NCAM2: variants seen among roughly 807,000 people sequenced by gnomAD.
NCAM2 encodes neural cell adhesion molecule 2, also known as N-CAM-2.
NCAM2 carries 30 observed loss-of-function variants against 98.1 expected under a neutral mutation model. That is an observed-to-expected ratio of 0.31 (90% CI 0.23 to 0.41). The LOEUF (loss-of-function observed/expected upper bound fraction) is 0.41, where lower values mean the gene tolerates loss of function less well. Among genes scored for constraint, NCAM2 ranks in the 10% least tolerant of loss-of-function variants. The probability of loss-of-function intolerance (pLI) is 1.00; values close to 1 mark genes in which losing one functional copy is unlikely to be tolerated. For synonymous variants in NCAM2, 368 were observed against 342.4 expected, an observed-to-expected ratio of 1.07 and a Z score of -0.83; for missense variants, 867 against 1,005.8, an observed-to-expected ratio of 0.86 and a Z score of 1.87.
chr21:21,273,493 G>T (rs887872933), intron 1 of NCAM2, among the ~76,000 whole-genome samples: 1 of 152,014 alleles, frequency 6.6e-6, no homozygotes, highest in African/African-American at 2.4e-5. Context: ...AAACAGGAGG[G>T]TCAAAGAACA....
chr21:21,159,060 A>G (rs561398278), intron 1 of NCAM2, among the ~76,000 whole-genome samples: 159 of 152,226 alleles, frequency 1.0e-3, no homozygotes, highest in African/African-American at 3.7e-3. Context: ...TCCTCTCAGT[A>G]GGCCTATGCT....
At chr21:21,101,767 C>T (rs758905776) in intron 1 of NCAM2, among the ~76,000 whole-genome samples, 38 of 151,982 alleles carry the variant, frequency 2.5e-4, no homozygotes, top group Admixed American at 1.2e-3. Context: ...TTCCTTAAGA[C>T]CTATACACAA....
chr21:21,078,037 A>G (rs961583759), intron 1 of NCAM2, among the ~76,000 whole-genome samples: 4 of 152,204 alleles, frequency 2.6e-5, no homozygotes, highest in Non-Finnish European at 4.4e-5. Context: ...TAGTAAAATT[A>G]AAATCAGTAA....
At position 21,097,878 on chromosome 21, in the gene NCAM2, C is replaced by T. The variant is rs545786884; in HGVS notation, c.55+99260C>T. ...AACGTTCTGTGGTTGGTTTATAGGA[C>T]ATGCTTTCCCAAATAGGAACCCCAG... is the stretch of plus-strand genomic sequence containing the variant. On this transcript the variant is annotated intron_variant, in intron 1 of 17. Coordinates refer to ENST00000400546, the MANE Select transcript of NCAM2 (RefSeq NM_004540.5). Among the ~76,000 whole-genome samples, 71 of 39,914 alleles carry T rather than the reference C, an allele frequency of 1.8e-3. 1 individual carries two copies. The South Asian group carries it at 0.041, about 23-fold the overall frequency. 26.2% of individuals were successfully genotyped at this position (39,914 alleles called of 152,430 possible). A position where few individuals can be genotyped will look rare whatever the true frequency, so the allele number is the denominator to read the frequency against.
At chr21:21,011,154 G>GTTT (rs59456952) in intron 1 of NCAM2, among the ~76,000 whole-genome samples, 2 of 150,498 alleles carry the variant, frequency 1.3e-5, no homozygotes, top group African/African-American at 2.4e-5. Flanking sequence ...ACTCTGCAGG[G>GTTT]TTTTTTTTTC....
At chr21:21,327,306 CA>C (rs11384559) in intron 6 of NCAM2, among the ~76,000 whole-genome samples, 2,091 of 82,104 alleles carry the variant, frequency 0.025, 35 homozygotes, top group East Asian at 0.18. Flanking sequence ...GACTCTGTCT[CA>C]AAAAAAAAAA....
Position 21,309,167 on chromosome 21 carries a change from G to A in NCAM2, c.620-15216G>A, listed in dbSNP as rs566697626. 7.2e-5 allele frequency among the ~76,000 whole-genome samples: 11 copies of A among 152,036 alleles called. No homozygotes were observed. In the South Asian group the frequency reaches 2.3e-3, roughly 32 times the overall value. ...TCTGTTATTCCTGGGTTAGTTTTTG[G>A]CCAATTATATTTTATCCTCATTATA... On this transcript the variant is annotated intron_variant, in intron 5 of 17. Transcript: ENST00000400546.
chr21:21,270,214 G>A (rs935200127), intron 1 of NCAM2, among the ~76,000 whole-genome samples: 4 of 152,168 alleles, frequency 2.6e-5, no homozygotes, highest in Admixed American at 2.0e-4. Context: ...TGGATTGGAT[G>A]TATAATTTGG....
intron 1 of NCAM2, among the ~76,000 whole-genome samples, chr21:21,251,326 C>T (rs1568834579): frequency 6.6e-6 from 1 of 151,630 alleles, no homozygotes. Context: ...TCTCCTTGCC[C>T]CCCACCCCCT....
At chr21:21,418,345 TAAA>T in intron 10 of NCAM2, 125 bp from the exon 11 acceptor site, 1 of 657,172 alleles carries the variant, frequency 1.5e-6, no homozygotes, top group East Asian at 2.7e-5. Flanking sequence ...TAAAGAAAAT[TAAA>T]AATATATGGT....
intron 1 of NCAM2, among the ~76,000 whole-genome samples, chr21:21,262,942 A>G (rs543247983): frequency 6.6e-6 from 1 of 152,236 alleles, no homozygotes; most frequent in East Asian, 1.9e-4. Context: ...CTGTCATGAG[A>G]ACAGCATGGG....
intron 1 of NCAM2, among the ~76,000 whole-genome samples, chr21:21,175,876 A>G (rs1176622349): frequency 2.0e-5 from 3 of 152,198 alleles, no homozygotes; most frequent in Non-Finnish European, 4.4e-5. Flanking sequence ...TAACATTTCC[A>G]TCTGATCCCC....
At chr21:21,383,223 T>C (rs1459960530) in intron 9 of NCAM2, among the ~76,000 whole-genome samples, 1 of 152,200 alleles carries the variant, frequency 6.6e-6, no homozygotes, top group African/African-American at 2.4e-5. Context: ...AAGTTTTGTG[T>C]TCCATCCTGT....
At chr21:21,125,560 T>C (rs1489173656) in intron 1 of NCAM2, among the ~76,000 whole-genome samples, 28 of 49,542 alleles carry the variant, frequency 5.7e-4, no homozygotes, top group African/African-American at 1.2e-3. Context: ...TATACATATA[T>C]AATATGCATA....
At chr21:21,315,670 A>G (rs1332716417) in intron 5 of NCAM2, among the ~76,000 whole-genome samples, 1 of 152,192 alleles carries the variant, frequency 6.6e-6, no homozygotes, top group African/African-American at 2.4e-5. Context: ...GGACATTTCT[A>G]GAGCAGTGTT....
At chr21:21,222,253 CT>C (rs534038987) in intron 1 of NCAM2, among the ~76,000 whole-genome samples, 11 of 152,112 alleles carry the variant, frequency 7.2e-5, no homozygotes, top group Non-Finnish European at 1.2e-4. Context: ...GTTTTCATGC[CT>C]GCTAAAACAA....
Position 21,371,961 on chromosome 21 carries a change from A to T in NCAM2, c.1045-1902A>T, listed in dbSNP as rs947162487. 3.0e-4 allele frequency among the ~76,000 whole-genome samples: 45 copies of T among 151,704 alleles called. 1 individual carries two copies. ...CATCAATCTCCCAAAAGGCCAAAGG[A>T]TTTAATGACTCTAAAAGTGTTCCAT... On this transcript the variant is annotated intron_variant, in intron 8 of 17. Coordinates refer to ENST00000400546, the MANE Select transcript of NCAM2 (RefSeq NM_004540.5).
At chr21:21,088,720 C>T (rs2065950633) in intron 1 of NCAM2, among the ~76,000 whole-genome samples, 1 of 152,124 alleles carries the variant, frequency 6.6e-6, no homozygotes, top group African/African-American at 2.4e-5. Context: ...GGGCTAGGAG[C>T]GGTGGCTCAC....
chr21:21,140,965 C>G (rs2067156160), intron 1 of NCAM2, among the ~76,000 whole-genome samples: 1 of 152,056 alleles, frequency 6.6e-6, no homozygotes, highest in Non-Finnish European at 1.5e-5. Flanking sequence ...AACATGTACC[C>G]TGCTGTGAAG....
Sources: allele counts gnomAD v4.1 joint callset (sites outside exome capture counted in the v4.1 genomes callset), GRCh38; gene constraint gnomAD v4.1.1; transcripts MANE v1.5; gene names NCBI Gene and HGNC (gene_info 2026-07-23, HGNC 2026-07-21).